TCF7L2: variants seen among roughly 807,000 people sequenced by gnomAD.
TCF7L2 encodes the protein transcription factor 7-like 2.
Under a neutral mutation model 77.9 loss-of-function variants are expected in TCF7L2, and 23 were observed. The ratio of observed to expected loss-of-function variants is 0.30; its 90% CI spans 0.21 to 0.42. The LOEUF is 0.42. Ranked by LOEUF, TCF7L2 falls within the 10% of genes least tolerant of loss-of-function variation. The pLI, the probability that TCF7L2 is intolerant of heterozygous loss-of-function variation, is 1.00. For synonymous variants in TCF7L2, 413 were observed against 340.2 expected (o/e 1.21, Z -2.36); for missense variants, 654 against 793.1 (o/e 0.82, Z 2.11).
At chr10:113,074,240 T>C (rs2058450014) in intron 5 of TCF7L2, among the ~76,000 whole-genome samples, 1 of 152,166 alleles carries the variant, frequency 6.6e-6, no homozygotes, top group African/African-American at 2.4e-5. Context: ...GTATTTGGAT[T>C]ATTTCTTTAA....
intron 5 of TCF7L2, among the ~76,000 whole-genome samples, chr10:113,048,178 C>A (rs1334056673): frequency 6.6e-6 from 1 of 152,110 alleles, no homozygotes; most frequent in Non-Finnish European, 1.5e-5. Context: ...GTTTACGAAG[C>A]GTGGGAGCCT....
chr10:113,145,941 T>G lies in TCF7L2; in HGVS notation c.789-70T>G. 9 of 1,335,984 alleles carry G rather than the reference T, an allele frequency of 6.7e-6. No individual in the cohort carries two copies. In the South Asian group the frequency reaches 1.1e-4, roughly 16 times the overall value. The allele number at this position is 1,335,984 out of a possible 1,614,324, so 82.8% of individuals were successfully genotyped here. A position where few individuals can be genotyped will look rare whatever the true frequency, so the allele number is the denominator to read the frequency against. On this transcript the variant is annotated intron_variant, in intron 7 of 13. Transcript: ENST00000627217. Reference sequence around the variant, plus strand: ...TTACTGTGCAGAGAGAACTTTTCCCTTTTCTTCTTTTTCTTGTCCCCACCC... The same window carrying G: ...TTACTGTGCAGAGAGAACTTTTCCCGTTTCTTCTTTTTCTTGTCCCCACCC...
At position 112,951,625 on chromosome 10, in the gene TCF7L2, C is replaced by T. The variant is rs753700422; in HGVS notation, c.381+18C>T. 23 of 1,160,508 alleles carry T rather than the reference C, an allele frequency of 2.0e-5. No homozygotes were observed. Among genetic ancestry groups the T allele is most frequent in the Non-Finnish European group, 2.3e-5 (21 of 926,830 alleles). 71.9% of individuals were successfully genotyped at this position (1,160,508 alleles called of 1,614,324 possible). A position where few individuals can be genotyped will look rare whatever the true frequency, so the allele number is the denominator to read the frequency against. Reference sequence around the variant, plus strand: ...CCCGAACCGTAAGTGCCTCCGCGCCCGGCCCCCGCCCGCTGCCCGCCCGCC... The same window carrying T: ...CCCGAACCGTAAGTGCCTCCGCGCCTGGCCCCCGCCCGCTGCCCGCCCGCC... On this transcript the variant is annotated intron_variant, in intron 3 of 13. Transcript: ENST00000627217.
At position 112,950,753 on chromosome 10, in the gene TCF7L2, A is replaced by C. The variant is rs2030726742; in HGVS notation, c.-4A>C. 1 of 1,555,304 alleles carries C rather than the reference A, an allele frequency of 6.4e-7. No individual in the cohort carries two copies. The highest frequency in any genetic ancestry group is 8.7e-7 in the Non-Finnish European group (1 of 1,150,518). ...CAAAATTGCTGCTGGTGGGTGAAAA[A>C]AAAATGCCGCAGCTGAACGGCGGTG... On this transcript the variant is annotated 5_prime_UTR_variant, in exon 1 of 14. Coordinates refer to ENST00000627217, the MANE Select transcript of TCF7L2 (RefSeq NM_001146274.2).
chr10:113,009,897 G>T (rs2046177456), intron 4 of TCF7L2, among the ~76,000 whole-genome samples: 1 of 152,160 alleles, frequency 6.6e-6, no homozygotes, highest in South Asian at 2.1e-4. Context: ...GTTCTTTTAG[G>T]TAATTAAGGG....
chr10:112,996,448 A>G (rs191067509), intron 4 of TCF7L2, among the ~76,000 whole-genome samples: 1 of 152,360 alleles, frequency 6.6e-6, no homozygotes, highest in East Asian at 1.9e-4. Context: ...GAGATGCAAC[A>G]TGTCAGGCCT....
chr10:113,155,409 G>A (rs540379727), intron 11 of TCF7L2, among the ~76,000 whole-genome samples: 4 of 152,108 alleles, frequency 2.6e-5, no homozygotes, highest in Non-Finnish European at 4.4e-5. Flanking sequence ...GGGTAGTAGC[G>A]TGGCCACTTC....
rs1490455799 is a variant in TCF7L2, at chr10:112,950,918, G to A, written c.162G>A (p.Thr54=). The change falls in exon 1 of 14, where the codon ACG becomes ACA. Residue 54 remains threonine (T), a synonymous_variant. Transcript: ENST00000627217. ...CGTCTCTAGTCAATGAATCAGAAAC[G>A]AATCAAAACAGCTCCTCCGATTCCG... 6.2e-7 allele frequency: 1 copy of A among 1,612,004 alleles called. No homozygotes were observed. Among genetic ancestry groups the A allele is most frequent in the South Asian group, 1.1e-5 (1 of 90,670 alleles).
intron 5 of TCF7L2, among the ~76,000 whole-genome samples, chr10:113,089,223 G>A (rs541574998): frequency 6.6e-6 from 1 of 152,290 alleles, no homozygotes; most frequent in South Asian, 2.1e-4. Context: ...CCCTGAGCTG[G>A]ATGGCAGGGA....
At chr10:113,107,774 A>AAAAAAAC (rs1408038947) in intron 5 of TCF7L2, among the ~76,000 whole-genome samples, 87 of 149,868 alleles carry the variant, frequency 5.8e-4, no homozygotes, top group East Asian at 1.8e-3. Flanking sequence ...AAAAAAAAAA[A>AAAAAAAC]AACAACAAAA....
At chr10:113,113,324 A>T (rs988768360) in intron 5 of TCF7L2, among the ~76,000 whole-genome samples, 3 of 152,152 alleles carry the variant, frequency 2.0e-5, no homozygotes, top group African/African-American at 7.2e-5. Flanking sequence ...CTACATCAAC[A>T]ACTTATAACT....
intron 4 of TCF7L2, among the ~76,000 whole-genome samples, chr10:112,992,485 T>C (rs1343821205): frequency 6.6e-6 from 1 of 152,198 alleles, no homozygotes; most frequent in Non-Finnish European, 1.5e-5. Flanking sequence ...GCCCGAGTGC[T>C]GGGCGAACAT....
chr10:112,964,391 T>A (rs1270083244), intron 3 of TCF7L2, among the ~76,000 whole-genome samples, 165 bp from the exon 4 acceptor site: 2 of 152,208 alleles, frequency 1.3e-5, no homozygotes, highest in African/African-American at 4.8e-5. Context: ...TAGATTGTTA[T>A]GATCATCTTA....
At position 113,152,322 on chromosome 10, in the gene TCF7L2, G is replaced by T; in HGVS notation, c.1162-11G>T. On this transcript the variant is annotated splice_polypyrimidine_tract_variant and intron_variant, in intron 10 of 13. Transcript: ENST00000627217. ...CATGTCTTTCTCATCTGTACCCCAC[G>T]TCCCCTCCAGTGGCATGCACTGTCC... is the stretch of plus-strand genomic sequence containing the variant. 1 of 1,609,334 alleles carries T rather than the reference G, an allele frequency of 6.2e-7. No individual in the cohort carries two copies. Among genetic ancestry groups the T allele is most frequent in the Non-Finnish European group, 8.5e-7 (1 of 1,175,764 alleles).
intron 6 of TCF7L2, among the ~76,000 whole-genome samples, chr10:113,142,853 C>A (rs565053332): frequency 1.4e-4 from 22 of 152,346 alleles, no homozygotes; most frequent in African/African-American, 4.6e-4. Context: ...TGCGAACATT[C>A]TTTCAAGTGT....
chr10:113,077,452 C>G (rs1190902404), intron 5 of TCF7L2, among the ~76,000 whole-genome samples: 1 of 152,058 alleles, frequency 6.6e-6, no homozygotes, highest in Non-Finnish European at 1.5e-5. Flanking sequence ...TTTCCTCACC[C>G]CCTAAAAGAA....
intron 5 of TCF7L2, among the ~76,000 whole-genome samples, chr10:113,051,244 G>T (rs72826098): frequency 0.023 from 1,751 of 75,706 alleles, 36 homozygotes; most frequent in African/African-American, 0.065. Flanking sequence ...CACACACACA[G>T]ACACATACAT....
chr10:113,003,687 G>A (rs910406021), intron 4 of TCF7L2, among the ~76,000 whole-genome samples: 1 of 152,224 alleles, frequency 6.6e-6, no homozygotes, highest in Admixed American at 6.5e-5. Context: ...GAGGACCGTG[G>A]ATGGGATTCT....
At chr10:113,139,957 G>T (rs1490704019) in intron 5 of TCF7L2, among the ~76,000 whole-genome samples, 1 of 152,106 alleles carries the variant, frequency 6.6e-6, no homozygotes, top group South Asian at 2.1e-4. Context: ...TGATGTTAAT[G>T]CAAGTTGTGC....
Sources: allele counts gnomAD v4.1 joint callset (sites outside exome capture counted in the v4.1 genomes callset), GRCh38; gene constraint gnomAD v4.1.1; transcripts MANE v1.5; gene names NCBI Gene and HGNC (gene_info 2026-07-23, HGNC 2026-07-21).